The following FLRT2 variants were observed in gnomAD, a reference collection of about 807,000 sequenced individuals.
The protein encoded by FLRT2 is leucine-rich repeat transmembrane protein FLRT2.
FLRT2 carries 15 observed loss-of-function variants against 40.0 expected under a neutral mutation model. That is an observed-to-expected ratio of 0.38 (90% confidence interval 0.25 to 0.58). FLRT2 has a LOEUF of 0.58. Among genes scored for constraint, FLRT2 ranks in the 20% least tolerant of loss-of-function variants. FLRT2 has a pLI of 0.71. For synonymous variants in FLRT2, 380 were observed against 336.8 expected, an observed-to-expected ratio of 1.13 and a Z score of -1.41; for missense variants, 726 against 840.0, an observed-to-expected ratio of 0.86 and a Z score of 1.68.
rs573673160 is a variant in FLRT2, at chr14:85,646,325, T to A, written c.*22828T>A. 1 of 152,300 alleles carries A rather than the reference T, an allele frequency of 6.6e-6. No homozygotes were observed. 9.4% of individuals were successfully genotyped at this position (152,300 alleles called of 1,614,324 possible). ...TGAATTAGTGGCCAATACCTGGCCC[T>A]TTTTGTCTGTAGTTAAATGTGATGT... is the stretch of plus-strand genomic sequence containing the variant. On this transcript the variant is annotated 3_prime_UTR_variant, in exon 2 of 2. Transcript: ENST00000330753.
chr14:85,608,299 G>A (rs1054660696), intron 1 of FLRT2, among the ~76,000 whole-genome samples: 2 of 151,142 alleles, frequency 1.3e-5, no homozygotes, highest in African/African-American at 2.4e-5. Flanking sequence ...GTGTTATCTC[G>A]GCTCACTGCA....
chr14:85,532,547 T>C (rs1205782150), intron 1 of FLRT2, among the ~76,000 whole-genome samples: 1 of 152,196 alleles, frequency 6.6e-6, no homozygotes, highest in Non-Finnish European at 1.5e-5. Flanking sequence ...TCAAGACTGT[T>C]TCCTAATCTT....
At chr14:85,563,808 A>C (rs1212973598) in intron 1 of FLRT2, among the ~76,000 whole-genome samples, 2 of 152,144 alleles carry the variant, frequency 1.3e-5, no homozygotes, top group African/African-American at 2.4e-5. Context: ...ACAGACAAAC[A>C]AAAAAATAGA....
At chr14:85,557,833 AATT>A (rs1243851660) in intron 1 of FLRT2, among the ~76,000 whole-genome samples, 12 of 139,346 alleles carry the variant, frequency 8.6e-5, no homozygotes, top group South Asian at 2.2e-4. Context: ...TAAATAAATT[AATT>A]AATTAATTAA....
At chr14:85,617,700 G>C (rs565647048) in intron 1 of FLRT2, among the ~76,000 whole-genome samples, 4 of 152,264 alleles carry the variant, frequency 2.6e-5, no homozygotes, top group African/African-American at 9.6e-5. Flanking sequence ...CAAAAATAGA[G>C]TGCATTCACT....
At chr14:85,536,820 G>A (rs192782338) in intron 1 of FLRT2, among the ~76,000 whole-genome samples, 206 of 152,212 alleles carry the variant, frequency 1.4e-3, no homozygotes, top group African/African-American at 4.7e-3. Flanking sequence ...GACTAATAGA[G>A]AGGCAACTAA....
chr14:85,623,410 G>A lies in FLRT2; in HGVS notation c.1896G>A (p.Gly632=). 6.6e-7 allele frequency: 1 copy of A among 1,503,788 alleles called. No individual in the cohort carries two copies. Among genetic ancestry groups the A allele is most frequent in the Non-Finnish European group, 8.9e-7 (1 of 1,128,926 alleles). The allele number at this position is 1,503,788 out of a possible 1,614,324, so 93.2% of individuals were successfully genotyped here. The part of the protein sequence containing the change: ...FRLQPIYTPN[G]GINYTDCHIP... Reference sequence around the variant, plus strand: ...TGCAGCCCATTTACACCCCAAATGGGGGCATTAATTACACAGACTGCCATA... The same window carrying A: ...TGCAGCCCATTTACACCCCAAATGGAGGCATTAATTACACAGACTGCCATA... Residue 632 remains glycine, a synonymous_variant, in exon 2 of 2, where the codon GGG becomes GGA. Transcript: ENST00000330753.
intron 1 of FLRT2, among the ~76,000 whole-genome samples, chr14:85,593,981 G>T (rs975316153): frequency 1.3e-5 from 2 of 152,098 alleles, no homozygotes; most frequent in African/African-American, 2.4e-5. Context: ...GGCAGAGGTT[G>T]CAGTGAGCCG....
At chr14:85,559,965 C>G (rs1890205135) in intron 1 of FLRT2, among the ~76,000 whole-genome samples, 1 of 152,184 alleles carries the variant, frequency 6.6e-6, no homozygotes, top group Non-Finnish European at 1.5e-5. Context: ...ATGCAGACTT[C>G]CCAGAGGCTT....
chr14:85,641,479 C>G lies in FLRT2; in HGVS notation c.*17982C>G, dbSNP rs1894147729. ...TAATCAGTGTTTTAGTGTCTGGTCA[C>G]TATCTTCAGTGGAGTCAGGTGATGT... is the stretch of plus-strand genomic sequence containing the variant. On this transcript the variant is annotated 3_prime_UTR_variant, in exon 2 of 2. Transcript: ENST00000330753. The G allele has an allele frequency of 6.6e-6, 1 of 152,222 alleles. No homozygotes were observed. Among genetic ancestry groups the G allele is most frequent in the African/African-American group, 2.4e-5 (1 of 41,446 alleles). 9.4% of individuals were successfully genotyped at this position (152,222 alleles called of 1,614,324 possible). A position where few individuals can be genotyped will look rare whatever the true frequency, so the allele number is the denominator to read the frequency against.
chr14:85,626,937 C>T lies in FLRT2; in HGVS notation c.*3440C>T, dbSNP rs1893706783. The stretch of plus-strand genomic sequence containing the variant: ...ACACAAATCAGAACTTCCTTCCCCA[C>T]CAGGGAGGACAACATCTTCATGCTG... On this transcript the variant is annotated 3_prime_UTR_variant, in exon 2 of 2. Transcript: ENST00000330753. 1 of 167,040 alleles carries T rather than the reference C, an allele frequency of 6.0e-6. No homozygotes were observed. The highest frequency in any genetic ancestry group is 2.1e-4 in the South Asian group (1 of 4,832). 10.3% of individuals were successfully genotyped at this position (167,040 alleles called of 1,614,324 possible).
Position 85,613,693 on chromosome 14 carries a change from T to C in FLRT2, c.-376-7446T>C, listed in dbSNP as rs1249351109. On this transcript the variant is annotated intron_variant, in intron 1 of 1. Transcript: ENST00000330753. ...GCCTGCCACGTATGGCTGTAGGCTCTGGGGAAATAACGGTGAGCGAAAGCA... is the reference window on the plus strand; with the variant it reads ...GCCTGCCACGTATGGCTGTAGGCTCCGGGGAAATAACGGTGAGCGAAAGCA... Among the ~76,000 whole-genome samples, 3 of 152,184 alleles carry C rather than the reference T, an allele frequency of 2.0e-5. No homozygotes were observed. The East Asian group carries it at 5.8e-4, about 29-fold the overall frequency.
In FLRT2 at chr14:85,636,612, A is replaced by G. The variant is rs191722449; in HGVS notation, c.*13115A>G. 1.3e-5 allele frequency: 2 copies of G among 152,208 alleles called. No individual in the cohort carries two copies. Among genetic ancestry groups the G allele is most frequent in the East Asian group, 3.9e-4 (2 of 5,170 alleles). 9.4% of individuals were successfully genotyped at this position (152,208 alleles called of 1,614,324 possible). On this transcript the variant is annotated 3_prime_UTR_variant, in exon 2 of 2. Coordinates refer to ENST00000330753, the MANE Select transcript of FLRT2 (RefSeq NM_013231.6). ...CAGGAAAAGAAAAAGAAAGGCAAAT[A>G]AAATGTTTATATGAAATTACGAACA...
At chr14:85,585,791 G>A (rs913810362) in intron 1 of FLRT2, among the ~76,000 whole-genome samples, 13 of 152,002 alleles carry the variant, frequency 8.6e-5, no homozygotes, top group Non-Finnish European at 1.6e-4. Flanking sequence ...GGGCCCTTGC[G>A]GCACCTGCCA....
At chr14:85,590,770 G>T (rs1891847166) in intron 1 of FLRT2, among the ~76,000 whole-genome samples, 1 of 151,990 alleles carries the variant, frequency 6.6e-6, no homozygotes, top group Non-Finnish European at 1.5e-5. Context: ...GCTAATTTTT[G>T]TATTTTTAGT....
At chr14:85,581,096 C>T (rs775511904) in intron 1 of FLRT2, among the ~76,000 whole-genome samples, 8 of 152,176 alleles carry the variant, frequency 5.3e-5, no homozygotes, top group Non-Finnish European at 1.0e-4. Flanking sequence ...ATAAACTCAA[C>T]TCTGAAACCC....
intron 1 of FLRT2, among the ~76,000 whole-genome samples, chr14:85,580,006 A>G (rs1891314812): frequency 6.8e-6 from 1 of 147,054 alleles, no homozygotes; most frequent in Non-Finnish European, 1.5e-5. Flanking sequence ...TTGTCCTTGA[A>G]CATTCTCCAG....
rs1894223949 is a variant in FLRT2, at chr14:85,643,737, T to C, written c.*20240T>C. On this transcript the variant is annotated 3_prime_UTR_variant, in exon 2 of 2. Coordinates refer to ENST00000330753, the MANE Select transcript of FLRT2 (RefSeq NM_013231.6). ...CATTTATTAATGCATTGATGAGGAC[T>C]CTCCTCTTTTAGATAGAGATGAAAG... is the stretch of plus-strand genomic sequence containing the variant. 6.6e-6 allele frequency: 1 copy of C among 152,144 alleles called. No homozygotes were observed. Among genetic ancestry groups the C allele is most frequent in the Admixed American group, 6.5e-5 (1 of 15,270 alleles). The allele number at this position is 152,144 out of a possible 1,614,324, so 9.4% of individuals were successfully genotyped here. A position where few individuals can be genotyped will look rare whatever the true frequency, so the allele number is the denominator to read the frequency against.
intron 1 of FLRT2, among the ~76,000 whole-genome samples, chr14:85,609,653 GGA>G (rs1380910265): frequency 6.6e-6 from 1 of 152,164 alleles, no homozygotes; most frequent in Non-Finnish European, 1.5e-5. Flanking sequence ...GCATATTTCA[GGA>G]AGAACCAGAG....
Sources: allele counts gnomAD v4.1 joint callset (sites outside exome capture counted in the v4.1 genomes callset), GRCh38; gene constraint gnomAD v4.1.1; transcripts MANE v1.5; gene names NCBI Gene and HGNC (gene_info 2026-07-23, HGNC 2026-07-21).